ZFHX2: variants seen among roughly 807,000 people sequenced by gnomAD.
The protein encoded by ZFHX2 is zinc finger homeobox protein 2.
Under a neutral mutation model 164.8 loss-of-function variants are expected in ZFHX2, and 75 were observed. That is an observed-to-expected ratio of 0.46 (90% CI 0.38 to 0.55). The LOEUF (loss-of-function observed/expected upper bound fraction) is 0.55. Ranked by LOEUF, ZFHX2 falls within the 20% of genes least tolerant of loss-of-function variation. The pLI is 0.00. For synonymous variants in ZFHX2, 1,217 were observed against 1,351.4 expected (o/e 0.90, Z 2.18); for missense variants, 2,933 against 3,308.0 (o/e 0.89, Z 2.78).
chr14:23,522,222 G>C lies in ZFHX2; in HGVS notation c.7459C>G (p.Pro2487Ala), dbSNP rs1878088273. The change falls in exon 10 of 10, where the codon CCA becomes GCA. Residue 2487 changes from proline (P) to alanine (A), a missense_variant. Transcript: ENST00000419474. ...TAGGTGCAGATGGGCACCCGCAATG[G>C]GGGTGGCATGGAGCCCCCAGAGCCC... ...GRGSGGSMPPPLRVPICTYHC... is the reference protein window; with the variant it reads ...GRGSGGSMPPALRVPICTYHC... 1 of 1,477,942 alleles carries C rather than the reference G, an allele frequency of 6.8e-7. No individual in the cohort carries two copies. Among genetic ancestry groups the C allele is most frequent in the South Asian group, 1.4e-5 (1 of 73,984 alleles). 91.6% of individuals were successfully genotyped at this position (1,477,942 alleles called of 1,614,324 possible). A position where few individuals can be genotyped will look rare whatever the true frequency, so the allele number is the denominator to read the frequency against.
chr14:23,537,112 C>T (rs1880247749), intron 1 of ZFHX2, among the ~76,000 whole-genome samples: 1 of 152,038 alleles, frequency 6.6e-6, no homozygotes, highest in African/African-American at 2.4e-5. Flanking sequence ...CGGGACTGCA[C>T]CATCGTACTT....
In ZFHX2 at chr14:23,535,026, C is replaced by A; in HGVS notation, c.300G>T (p.Glu100Asp). The A allele has an allele frequency of 6.5e-7, 1 of 1,536,134 alleles. No individual in the cohort carries two copies. Among genetic ancestry groups the A allele is most frequent in the Non-Finnish European group, 8.7e-7 (1 of 1,146,848 alleles). The change falls in exon 2 of 10, where the codon GAG (glutamate) becomes GAT (aspartate). Residue 100 changes from glutamate (E) to aspartate (D), a missense_variant. By Grantham distance (45) the Glu-to-Asp change is conservative. Coordinates refer to ENST00000419474, the MANE Select transcript of ZFHX2 (RefSeq NM_033400.3). This position sits in a 1 kb window ranked among gnomAD's most constrained non-coding sequence, Gnocchi z 4.5. ...PGVEKDKEQE[E>D]EEEGLPPMDL... ...CCATGGGAGGGAGCCCTTCTTCTTC[C>A]TCCTCCTGCTCCTTGTCCTTTTCCA...
Position 23,532,724 on chromosome 14 carries a change from G to T in ZFHX2, c.2402C>A (p.Thr801Asn), listed in dbSNP as rs980635290. Residue 801 changes from threonine (T) to asparagine (N), a missense_variant, in exon 3 of 10, where the codon ACC becomes AAC. Transcript: ENST00000419474. Reference protein sequence around the residue: ...HLREGGGAMGTPSPASLGDGA... With the variant: ...HLREGGGAMGNPSPASLGDGA... ...ATCTCCCAGGGATGCTGGGGAAGGGGTGCCCATGGCTCCACCCCCCTCCCG... is the reference window on the plus strand; with the variant it reads ...ATCTCCCAGGGATGCTGGGGAAGGGTTGCCCATGGCTCCACCCCCCTCCCG... 5.9e-6 allele frequency: 9 copies of T among 1,535,438 alleles called. No homozygotes were observed. Among genetic ancestry groups the T allele is most frequent in the Non-Finnish European group, 6.1e-6 (7 of 1,146,572 alleles).
chr14:23,545,236 T>C (rs1881268002), intron 1 of ZFHX2, among the ~76,000 whole-genome samples: 1 of 152,096 alleles, frequency 6.6e-6, no homozygotes, highest in Non-Finnish European at 1.5e-5. Context: ...GCCACTTCAG[T>C]TCCTCCCATA....
At chr14:23,538,825 A>G (rs1423628448) in intron 1 of ZFHX2, among the ~76,000 whole-genome samples, 1 of 151,828 alleles carries the variant, frequency 6.6e-6, no homozygotes, top group Non-Finnish European at 1.5e-5. Flanking sequence ...TGTGAAGGAG[A>G]GGGGTTAGGG....
upstream of ZFHX2, among the ~76,000 whole-genome samples, chr14:23,552,159 C>T (rs1882016487): frequency 6.6e-6 from 1 of 152,106 alleles, no homozygotes; most frequent in South Asian, 2.1e-4. Flanking sequence ...CCTTCTCTAC[C>T]GCAGCAATTA....
Position 23,551,128 on chromosome 14 carries a change from C to A in ZFHX2, c.-50+215G>T, listed in dbSNP as rs1301079734. On this transcript the variant is annotated intron_variant, in intron 1 of 9. Coordinates refer to ENST00000419474, the MANE Select transcript of ZFHX2 (RefSeq NM_033400.3). The surrounding 1 kb of genome is among the most constrained non-coding windows in gnomAD (Gnocchi z 5.3). ...TCGCGCACGCCCTCTTCCTCCCACA[C>A]CCCTGTCTGCTATCTCCCAGGGCTC... Among the ~76,000 whole-genome samples the A allele has an allele frequency of 1.3e-5, 2 of 151,938 alleles. No homozygotes were observed. Among genetic ancestry groups the A allele is most frequent in the South Asian group, 2.1e-4 (1 of 4,790 alleles).
rs552418216 is a variant in ZFHX2 at position 23,523,267 on chromosome 14, C to T, written c.6675G>A (p.Pro2225=). ...CCAGAGCTGGGCCAGATAAGAGGAC[C>T]GGCGCCAGGCGAGGCAAGGTTGGGG... is the stretch of plus-strand genomic sequence containing the variant. The part of the protein sequence containing the change: ...GAAPTLPRLA[P]VLLSGPALAQ... The change falls in exon 9 of 10, where the codon CCG becomes CCA. Residue 2225 remains proline, a synonymous_variant. Coordinates refer to ENST00000419474, the MANE Select transcript of ZFHX2 (RefSeq NM_033400.3). The surrounding 1 kb of genome is among the most constrained non-coding windows in gnomAD (Gnocchi z 4.1). The T allele has an allele frequency of 5.2e-5, 74 of 1,436,334 alleles. No homozygotes were observed. The highest frequency in any genetic ancestry group is 3.6e-4 in the Middle Eastern group (2 of 5,516). 89.0% of individuals were successfully genotyped at this position (1,436,334 alleles called of 1,614,324 possible). A position where few individuals can be genotyped will look rare whatever the true frequency, so the allele number is the denominator to read the frequency against.
intron 3 of ZFHX2, 106 bp from the exon 4 acceptor site, chr14:23,531,827 G>T (rs539408485): frequency 2.3e-5 from 28 of 1,243,042 alleles, no homozygotes; most frequent in Non-Finnish European, 2.7e-5. Context: ...GCCCAGGCTG[G>T]AGTGCAGTGG....
In ZFHX2 at chr14:23,533,230, G is replaced by A. The variant is rs906689010; in HGVS notation, c.2041+55C>T. On this transcript the variant is annotated intron_variant, in intron 2 of 9. Transcript: ENST00000419474. The surrounding 1 kb of genome is among the most constrained non-coding windows in gnomAD (Gnocchi z 4.8). ...GGAGTTGGTCCTTGGGAGAAAGCAC[G>A]GAATAGAGTTTGGCCCTGGGGAGGA... The A allele has an allele frequency of 4.4e-5, 63 of 1,435,726 alleles. No homozygotes were observed. Among genetic ancestry groups the A allele is most frequent in the Non-Finnish European group, 5.2e-5 (57 of 1,099,702 alleles). The allele number at this position is 1,435,726 out of a possible 1,614,324, so 88.9% of individuals were successfully genotyped here.
At position 23,527,522 on chromosome 14, in the gene ZFHX2, C is replaced by T. The variant is rs1295493777; in HGVS notation, c.3135+82G>A. ...CCCTGCCCCCAACACATGCACCTGC[C>T]TGAATACCCCTGCCTCTTCCTCCCC... On this transcript the variant is annotated intron_variant, in intron 7 of 9. Transcript: ENST00000419474. 8.0e-6 allele frequency: 12 copies of T among 1,502,736 alleles called. No individual in the cohort carries two copies. The East Asian group carries it at 9.9e-5, about 12-fold the overall frequency. 93.1% of individuals were successfully genotyped at this position (1,502,736 alleles called of 1,614,324 possible).
intron 1 of ZFHX2, among the ~76,000 whole-genome samples, chr14:23,550,832 C>G (rs917339090): frequency 6.6e-6 from 1 of 152,154 alleles, no homozygotes; most frequent in Admixed American, 6.5e-5. Context: ...CCTCCCACTC[C>G]ACGCCCCAGC....
In ZFHX2 at chr14:23,522,323, C is replaced by T; in HGVS notation, c.7358G>A (p.Cys2453Tyr). Residue 2453 changes from cysteine to tyrosine, a missense_variant, in exon 10 of 10, where the codon TGC (cysteine) becomes TAC (tyrosine). By Grantham distance (194) the Cys-to-Tyr change is radical. Coordinates refer to ENST00000419474, the MANE Select transcript of ZFHX2 (RefSeq NM_033400.3). Reference protein sequence around the residue: ...STVDVTHRYLCRQCKMAFDGE... With the variant: ...STVDVTHRYLYRQCKMAFDGE... ...GTCAAATGCCATCTTGCACTGGCGG[C>T]ACAGGTAGCGATGGGTTACATCCAC... The T allele has an allele frequency of 6.5e-7, 1 of 1,529,234 alleles. No homozygotes were observed. The highest frequency in any genetic ancestry group is 8.8e-7 in the Non-Finnish European group (1 of 1,142,636). The allele number at this position is 1,529,234 out of a possible 1,614,324, so 94.7% of individuals were successfully genotyped here.
Position 23,535,516 on chromosome 14 carries a change from G to A in ZFHX2, c.-49-142C>T. 2.0e-6 allele frequency: 1 copy of A among 501,832 alleles called. No homozygotes were observed. The highest frequency in any genetic ancestry group is 3.2e-5 in the East Asian group (1 of 31,150). The allele number at this position is 501,832 out of a possible 1,614,324, so 31.1% of individuals were successfully genotyped here. A position where few individuals can be genotyped will look rare whatever the true frequency, so the allele number is the denominator to read the frequency against. Reference sequence around the variant, plus strand: ...CTTTGCTAACCTGAAATTTCACTTAGTGTCTAACATGCTTCAAAACTTAAT... The same window carrying A: ...CTTTGCTAACCTGAAATTTCACTTAATGTCTAACATGCTTCAAAACTTAAT... On this transcript the variant is annotated intron_variant, in intron 1 of 9. Coordinates refer to ENST00000419474, the MANE Select transcript of ZFHX2 (RefSeq NM_033400.3). This position sits in a 1 kb window ranked among gnomAD's most constrained non-coding sequence, Gnocchi z 4.5.
At chr14:23,538,554 C>T (rs921322243) in intron 1 of ZFHX2, among the ~76,000 whole-genome samples, 4 of 152,148 alleles carry the variant, frequency 2.6e-5, no homozygotes, top group Non-Finnish European at 5.9e-5. Context: ...CCTCCTGCCA[C>T]CCCCAAGACC....
chr14:23,522,306 C>T lies in ZFHX2; in HGVS notation c.7375G>A (p.Ala2459Thr), dbSNP rs1450127802. 6.6e-7 allele frequency: 1 copy of T among 1,514,678 alleles called. No homozygotes were observed. Among genetic ancestry groups the T allele is most frequent in the Non-Finnish European group, 8.8e-7 (1 of 1,133,436 alleles). The allele number at this position is 1,514,678 out of a possible 1,614,324, so 93.8% of individuals were successfully genotyped here. The change falls in exon 10 of 10, where the codon GCA (alanine) becomes ACA (threonine). Residue 2459 changes from alanine to threonine, a missense_variant. Ala to Thr is a moderately conservative substitution (Grantham distance 58). Coordinates refer to ENST00000419474, the MANE Select transcript of ZFHX2 (RefSeq NM_033400.3). ...GTAGCCGGGGCCTCCCCGTCAAATG[C>T]CATCTTGCACTGGCGGCACAGGTAG... ...HRYLCRQCKM[A>T]FDGEAPATAH...
At chr14:23,550,752 A>T (rs891543997) in intron 1 of ZFHX2, among the ~76,000 whole-genome samples, 3 of 151,904 alleles carry the variant, frequency 2.0e-5, no homozygotes, top group Admixed American at 6.6e-5. Context: ...CCTACTCAAC[A>T]CTTTCAAAAA....
chr14:23,555,438 G>GTACC (rs1882283261), upstream of ZFHX2, among the ~76,000 whole-genome samples: 1 of 152,118 alleles, frequency 6.6e-6, no homozygotes, highest in South Asian at 2.1e-4. Context: ...TTCTCCTTAC[G>GTACC]TACCACCCAG....
chr14:23,528,610 A>G, intron 6 of ZFHX2: 1 of 985,054 alleles, frequency 1.0e-6, no homozygotes, highest in Non-Finnish European at 1.2e-6. Context: ...GTGAACCATC[A>G]CCTGGAAAGG....
Sources: allele counts gnomAD v4.1 joint callset (sites outside exome capture counted in the v4.1 genomes callset), GRCh38; gene constraint gnomAD v4.1.1; non-coding constraint Gnocchi (gnomAD v3.1); transcripts MANE v1.5; gene names NCBI Gene and HGNC (gene_info 2026-07-23, HGNC 2026-07-21).